The following PTPRF variants were observed in gnomAD, a reference collection of about 807,000 sequenced individuals.
PTPRF encodes the protein receptor-type tyrosine-protein phosphatase F.
PTPRF carries 59 observed loss-of-function variants against 201.8 expected under a neutral mutation model. That is an observed-to-expected ratio of 0.29 (90% confidence interval 0.24 to 0.36). The LOEUF is 0.36. Among genes scored for constraint, PTPRF ranks in the 10% least tolerant of loss-of-function variants. The pLI, the probability that PTPRF is intolerant of heterozygous loss-of-function variation, is 1.00. For synonymous variants in PTPRF, 1,088 were observed against 1,089.7 expected, an observed-to-expected ratio of 1.00 and a Z score of 0.03; for missense variants, 2,132 against 2,690.5, an observed-to-expected ratio of 0.79 and a Z score of 4.59.
intron 6 of PTPRF, among the ~76,000 whole-genome samples, chr1:43,571,834 C>T (rs1438324818): frequency 6.6e-6 from 1 of 152,266 alleles, no homozygotes; most frequent in East Asian, 1.9e-4. Context: ...GCCCGTGTCT[C>T]ATCGGGTCCT....
chr1:43,536,922 GT>G (rs1266951102), intron 1 of PTPRF, among the ~76,000 whole-genome samples: 1 of 152,222 alleles, frequency 6.6e-6, no homozygotes, highest in Non-Finnish European at 1.5e-5. Context: ...CAACTTGAGG[GT>G]AATTCCCAGG....
chr1:43,541,557 T>C (rs1168874898), intron 2 of PTPRF, among the ~76,000 whole-genome samples: 1 of 152,142 alleles, frequency 6.6e-6, no homozygotes, highest in East Asian at 1.9e-4. Context: ...CCAAAAGTAC[T>C]CAAGAGCCAG....
chr1:43,602,783 A>G, intron 14 of PTPRF, among the ~76,000 whole-genome samples: 1 of 152,310 alleles, frequency 6.6e-6, no homozygotes, highest in South Asian at 2.1e-4. Flanking sequence ...TGTCTCAGGC[A>G]TCACTGAGAA....
At chr1:43,581,574 C>T (rs1383562500) in intron 7 of PTPRF, among the ~76,000 whole-genome samples, 2 of 152,224 alleles carry the variant, frequency 1.3e-5, no homozygotes, top group East Asian at 1.9e-4. Context: ...CCCCACTGCT[C>T]GTCATCTCAT....
chr1:43,550,032 T>C (rs939558325), intron 3 of PTPRF, among the ~76,000 whole-genome samples: 4 of 152,106 alleles, frequency 2.6e-5, no homozygotes, highest in African/African-American at 9.7e-5. Context: ...CCTTGTCTCC[T>C]GTGCTGTGTC....
intron 5 of PTPRF, among the ~76,000 whole-genome samples, chr1:43,567,505 A>G (rs1439778819): frequency 6.6e-6 from 1 of 152,214 alleles, no homozygotes; most frequent in East Asian, 1.9e-4. Context: ...TGGGGCGGCA[A>G]GGCCGTGCTG....
intron 25 of PTPRF, 31 bp downstream of exon 25, chr1:43,617,942 G>A (rs1658266938): frequency 6.3e-7 from 1 of 1,584,192 alleles, no homozygotes; most frequent in African/African-American, 1.3e-5. Context: ...CAGGAGGCGG[G>A]TGGGAAATGC....
At chr1:43,567,832 T>C (rs1646288027) in intron 5 of PTPRF, among the ~76,000 whole-genome samples, 1 of 152,162 alleles carries the variant, frequency 6.6e-6, no homozygotes. Context: ...CATACACCCA[T>C]CTTGTGCTGG....
chr1:43,612,063 G>A (rs572936812), intron 22 of PTPRF, among the ~76,000 whole-genome samples: 2 of 152,330 alleles, frequency 1.3e-5, no homozygotes, highest in African/African-American at 2.4e-5. Context: ...AGCAGCTAGG[G>A]AGATTGAGAA....
At chr1:43,581,369 G>T (rs1373925882) in intron 7 of PTPRF, among the ~76,000 whole-genome samples, 2 of 152,130 alleles carry the variant, frequency 1.3e-5, no homozygotes, top group African/African-American at 4.8e-5. Flanking sequence ...ACACACATAC[G>T]ACGTTCCTCT....
Position 43,604,994 on chromosome 1 carries a change from C to T in PTPRF, c.3129C>T (p.Pro1043=), listed in dbSNP as rs1202193061. The stretch of plus-strand genomic sequence containing the variant: ...CCGACTCCTATAAGTCAGCTGTGCC[C>T]TTTAAGGTGAGTAAGGGCCACGGCC... ...EVPDSYKSAV[P]FKILYNGQSV... Residue 1043 remains proline, a synonymous_variant, in exon 17 of 34, where the codon CCC becomes CCT. Coordinates refer to ENST00000359947, the MANE Select transcript of PTPRF (RefSeq NM_002840.5). 2 of 1,613,876 alleles carry T rather than the reference C, an allele frequency of 1.2e-6. No homozygotes were observed. The highest frequency in any genetic ancestry group is 2.2e-5 in the East Asian group (1 of 44,892).
In PTPRF at chr1:43,618,754, A is replaced by T; in HGVS notation, c.4491+5A>T. ...CGCACCTTCGCACTCCACAAGGTAT[A>T]GCCTTTCCCCAGTGCATATCTCTTA... On this transcript the variant is annotated splice_donor_5th_base_variant and intron_variant, in intron 26 of 33. Transcript: ENST00000359947. 2 of 1,595,752 alleles carry T rather than the reference A, an allele frequency of 1.3e-6. No homozygotes were observed. Among genetic ancestry groups the T allele is most frequent in the Non-Finnish European group, 1.7e-6 (2 of 1,164,928 alleles).
chr1:43,589,073 C>T, intron 8 of PTPRF, 73 bp downstream of exon 8: 2 of 1,445,162 alleles, frequency 1.4e-6, no homozygotes, highest in Non-Finnish European at 9.1e-7. Context: ...CGAATGTGAG[C>T]TGGCTGCCAT....
upstream of PTPRF, among the ~76,000 whole-genome samples, chr1:43,522,882 T>G (rs1642995479): frequency 6.6e-6 from 1 of 152,152 alleles, no homozygotes; most frequent in South Asian, 2.1e-4. Flanking sequence ...TCCAGCCCCA[T>G]GTAAGCCATT....
At position 43,623,661 on chromosome 1, in the gene PTPRF, T is replaced by TA. The variant is rs1252313381; in HGVS notation, c.*1659dup. The TA allele has an allele frequency of 6.6e-6, 1 of 152,632 alleles. No homozygotes were observed. The highest frequency in any genetic ancestry group is 6.5e-5 in the Admixed American group (1 of 15,286). The allele number at this position is 152,632 out of a possible 1,614,324, so 9.5% of individuals were successfully genotyped here. On this transcript the variant is annotated 3_prime_UTR_variant, in exon 34 of 34. Coordinates refer to ENST00000359947, the MANE Select transcript of PTPRF (RefSeq NM_002840.5). ...AATAAATTTGAATAATCAGATTTCTTACAAACCAGGACTCTGTCTCAGCTG... is the reference window on the plus strand; with the variant it reads ...AATAAATTTGAATAATCAGATTTCTTAACAAACCAGGACTCTGTCTCAGCTG...
Position 43,604,064 on chromosome 1 carries a change from C to T in PTPRF, c.2912C>T (p.Thr971Ile). 1 of 1,614,240 alleles carries T rather than the reference C, an allele frequency of 6.2e-7. No individual in the cohort carries two copies. Among genetic ancestry groups the T allele is most frequent in the Admixed American group, 1.7e-5 (1 of 60,034 alleles). Residue 971 changes from threonine to isoleucine, a missense_variant, in exon 16 of 34, where the codon ACC becomes ATC. Around this residue, in one of 6 missense-constraint regions of PTPRF, gnomAD observed 818 missense variants for 915.3 expected, o/e 0.89. Transcript: ENST00000359947. ...GAGCTGCAGAACATCACGACAGACA[C>T]CCGCTTTACCCTTACTGGCCTCAAG... ...QQELQNITTDTRFTLTGLKPD... is the reference protein window; with the variant it reads ...QQELQNITTDIRFTLTGLKPD...
chr1:43,571,605 G>A (rs141137358), intron 6 of PTPRF, among the ~76,000 whole-genome samples: 4 of 152,176 alleles, frequency 2.6e-5, no homozygotes, highest in Admixed American at 6.5e-5. Context: ...TACCACCCTC[G>A]TGGCTCTCAA....
chr1:43,576,067 C>T (rs6677731), intron 6 of PTPRF: 7 of 611,722 alleles, frequency 1.1e-5, no homozygotes, highest in African/African-American at 1.1e-4. Flanking sequence ...GCACCCCCAA[C>T]ACCACCGGCC....
intron 1 of PTPRF, among the ~76,000 whole-genome samples, chr1:43,531,702 G>A (rs1052823903): frequency 6.6e-6 from 1 of 152,030 alleles, no homozygotes; most frequent in Non-Finnish European, 1.5e-5. Flanking sequence ...AGCACGGGAT[G>A]GGGAGGGGCC....
Sources: allele counts gnomAD v4.1 joint callset (sites outside exome capture counted in the v4.1 genomes callset), GRCh38; gene constraint gnomAD v4.1.1; regional missense constraint gnomAD v4.1.1; transcripts MANE v1.5; gene names NCBI Gene and HGNC (gene_info 2026-07-23, HGNC 2026-07-21).